Variants in BTBD7 observed in about 807,000 individuals in gnomAD.
BTBD7 encodes BTB/POZ domain-containing protein 7.
Under a neutral mutation model 99.9 loss-of-function variants are expected in BTBD7, and 38 were observed. The observed-to-expected ratio is 0.38, with a 90% CI of 0.29 to 0.50. The LOEUF (loss-of-function observed/expected upper bound fraction) is 0.50. Ranked by LOEUF, BTBD7 falls within the 20% of genes least tolerant of loss-of-function variation. BTBD7 has a pLI of 0.93. For missense variants in BTBD7, 1,170 were observed against 1,394.6 expected (o/e 0.84, Z 2.57); for synonymous variants, 520 against 511.4 (o/e 1.02, Z -0.23).
At position 93,257,053 on chromosome 14, in the gene BTBD7, A is replaced by G. The variant is rs2052438141; in HGVS notation, c.1608+142T>C. On this transcript the variant is annotated intron_variant, in intron 6 of 10. Transcript: ENST00000334746. ...GAAGACACAGGAGATACAACATCGT[A>G]CACAATAGACATCTGTCTCTGTCCT... 6 of 798,124 alleles carry G rather than the reference A, an allele frequency of 7.5e-6. No individual in the cohort carries two copies. The East Asian group carries it at 1.6e-4, about 21-fold the overall frequency. 49.4% of individuals were successfully genotyped at this position (798,124 alleles called of 1,614,324 possible). A position where few individuals can be genotyped will look rare whatever the true frequency, so the allele number is the denominator to read the frequency against.
Position 93,296,055 on chromosome 14 carries a change from C to T in BTBD7, c.-4G>A. ...AATTAGATGCATTAGCACCCATTTT[C>T]TTCAGTCACTCAGGCATTCCGTCTG... On this transcript the variant is annotated 5_prime_UTR_variant, in exon 2 of 11. Transcript: ENST00000334746. The T allele has an allele frequency of 1.2e-6, 2 of 1,613,398 alleles. No homozygotes were observed. Among genetic ancestry groups the T allele is most frequent in the Non-Finnish European group, 1.7e-6 (2 of 1,179,668 alleles).
At chr14:93,269,172 T>G (rs2052574612) in intron 3 of BTBD7, among the ~76,000 whole-genome samples, 1 of 152,028 alleles carries the variant, frequency 6.6e-6, no homozygotes, top group Non-Finnish European at 1.5e-5. Flanking sequence ...AACTCAAAAA[T>G]GTAAAAGGAA....
At chr14:93,265,212 T>TA (rs1462359866) in intron 3 of BTBD7, among the ~76,000 whole-genome samples, 1 of 152,160 alleles carries the variant, frequency 6.6e-6, no homozygotes, top group Admixed American at 6.5e-5. Context: ...ATGAAAGGTG[T>TA]AAAGATAAAG....
At chr14:93,248,324 G>A (rs1325462626) in intron 9 of BTBD7, 152 bp downstream of exon 9, 2 of 741,282 alleles carry the variant, frequency 2.7e-6, no homozygotes, top group Non-Finnish European at 4.3e-6. Context: ...CTCTCACCAG[G>A]AGGGACTTGC....
intron 3 of BTBD7, among the ~76,000 whole-genome samples, chr14:93,269,569 T>C (rs1000456470): frequency 6.6e-6 from 1 of 152,204 alleles, no homozygotes; most frequent in Non-Finnish European, 1.5e-5. Context: ...GAATGTCATG[T>C]GTTCTCTCTC....
intron 3 of BTBD7, 64 bp from the exon 4 acceptor site, chr14:93,264,057 G>A: frequency 1.4e-6 from 2 of 1,419,288 alleles, no homozygotes; most frequent in Non-Finnish European, 2.0e-6. Context: ...ACATTAGTGT[G>A]CTAGGCACGA....
rs201926967 is a variant in BTBD7, at chr14:93,242,784, C to A, written c.2888G>T (p.Arg963Leu). Residue 963 changes from arginine (R) to leucine (L), a missense_variant, in exon 11 of 11, where the codon CGC becomes CTC. Physicochemically the swap from Arg to Leu is moderately radical, Grantham distance 102. Coordinates refer to ENST00000334746, the MANE Select transcript of BTBD7 (RefSeq NM_001002860.4). ...TCCACCTTGCGAAGGGGAAGGGGTG[C>A]GTCTGCTGAGAGCAGGAGTAGAAGG... Reference protein sequence around the residue: ...CRPSTPALSRRTPSPSQGGYF... With the variant: ...CRPSTPALSRLTPSPSQGGYF... 1.9e-6 allele frequency: 3 copies of A among 1,614,036 alleles called. No homozygotes were observed. Among genetic ancestry groups the A allele is most frequent in the Non-Finnish European group, 2.5e-6 (3 of 1,180,046 alleles).
At chr14:93,257,877 A>C (rs2052447157) in intron 5 of BTBD7, among the ~76,000 whole-genome samples, 1 of 151,088 alleles carries the variant, frequency 6.6e-6, no homozygotes, top group African/African-American at 2.5e-5. Flanking sequence ...TTTTATGAAA[A>C]TCTCCCAAAT....
intron 3 of BTBD7, among the ~76,000 whole-genome samples, chr14:93,269,598 G>A (rs1227192193): frequency 1.3e-5 from 2 of 152,164 alleles, no homozygotes; most frequent in African/African-American, 2.4e-5. Flanking sequence ...GCAAACTATC[G>A]CGAGTCATGC....
intron 1 of BTBD7, among the ~76,000 whole-genome samples, chr14:93,304,239 T>C (rs2053042888): frequency 6.6e-6 from 1 of 152,236 alleles, no homozygotes; most frequent in Non-Finnish European, 1.5e-5. Flanking sequence ...AAGGAAATGA[T>C]TGTTCTAATC....
Position 93,294,873 on chromosome 14 carries a change from G to A in BTBD7, c.147C>T (p.Gly49=), listed in dbSNP as rs2052906115. The A allele has an allele frequency of 6.2e-7, 1 of 1,613,510 alleles. No individual in the cohort carries two copies. The highest frequency in any genetic ancestry group is 1.7e-5 in the Admixed American group (1 of 59,882). ...TTTTTTTGTCTTGTGGTTTCTCATGGCCATGGTCAAGGCTATACAACTTTG... is the reference window on the plus strand; with the variant it reads ...TTTTTTTGTCTTGTGGTTTCTCATGACCATGGTCAAGGCTATACAACTTTG... ...CESKLYSLDH[G]HEKPQDKKKR... The change falls in exon 3 of 11, where the codon GGC becomes GGT. Residue 49 remains glycine (G), a synonymous_variant. Transcript: ENST00000334746.
chr14:93,293,855 T>C lies in BTBD7; in HGVS notation c.1162+3A>G. 6.3e-7 allele frequency: 1 copy of C among 1,599,146 alleles called. No homozygotes were observed. Among genetic ancestry groups the C allele is most frequent in the Non-Finnish European group, 8.5e-7 (1 of 1,175,058 alleles). On this transcript the variant is annotated splice_donor_region_variant and intron_variant, in intron 3 of 10. Coordinates refer to ENST00000334746, the MANE Select transcript of BTBD7 (RefSeq NM_001002860.4). ...ATCAGAATTAAAAACCAGAACTTCA[T>C]ACCTTGTGCAAGCATGTTAAATTCC... is the stretch of plus-strand genomic sequence containing the variant.
At chr14:93,297,225 ATC>A (rs1420488406) in intron 1 of BTBD7, among the ~76,000 whole-genome samples, 16 of 152,222 alleles carry the variant, frequency 1.1e-4, no homozygotes, top group African/African-American at 3.9e-4. Flanking sequence ...ATTTATTTTC[ATC>A]TCTGTTAGTG....
intron 1 of BTBD7, among the ~76,000 whole-genome samples, chr14:93,301,239 T>C (rs1027052116): frequency 2.0e-5 from 3 of 151,908 alleles, no homozygotes; most frequent in African/African-American, 7.2e-5. Context: ...TTGCCCAGAC[T>C]GGAGTGCAGT....
chr14:93,261,614 T>C lies in BTBD7; in HGVS notation c.1435A>G (p.Ile479Val). The C allele has an allele frequency of 1.2e-6, 2 of 1,611,856 alleles. No homozygotes were observed. The highest frequency in any genetic ancestry group is 2.2e-5 in the East Asian group (1 of 44,800). ...KWGEHQLMKR[I>V]ADREPNLLSG... ...TTTCGGAGCTTACCTCTATCTGCTA[T>C]TCTTTTCATCAACTGATGCTCTCCC... is the stretch of plus-strand genomic sequence containing the variant. The change falls in exon 5 of 11, where the codon ATA becomes GTA. Residue 479 changes from isoleucine (I) to valine (V), a missense_variant. Around this residue, in one of 4 missense-constraint regions of BTBD7, gnomAD observed 309 missense variants for 342.0 expected, o/e 0.90. Coordinates refer to ENST00000334746, the MANE Select transcript of BTBD7 (RefSeq NM_001002860.4).
chr14:93,268,839 A>G (rs991173021), intron 3 of BTBD7, among the ~76,000 whole-genome samples: 2 of 149,922 alleles, frequency 1.3e-5, no homozygotes, highest in Middle Eastern at 3.5e-3. Context: ...GCTCACTACA[A>G]CCACCACCTC....
In BTBD7 at chr14:93,238,589, T is replaced by C. The variant is rs1253434737; in HGVS notation, c.*3684A>G. The C allele has an allele frequency of 6.6e-6, 1 of 152,410 alleles. No homozygotes were observed. The highest frequency in any genetic ancestry group is 2.4e-5 in the African/African-American group (1 of 41,454). The allele number at this position is 152,410 out of a possible 1,614,324, so 9.4% of individuals were successfully genotyped here. A position where few individuals can be genotyped will look rare whatever the true frequency, so the allele number is the denominator to read the frequency against. On this transcript the variant is annotated 3_prime_UTR_variant, in exon 11 of 11. Coordinates refer to ENST00000334746, the MANE Select transcript of BTBD7 (RefSeq NM_001002860.4). ...CCCTTTGAATTCAGTCCTAAAAATATGAATGCCTTATAATTAATTTCAAAA... is the reference window on the plus strand; with the variant it reads ...CCCTTTGAATTCAGTCCTAAAAATACGAATGCCTTATAATTAATTTCAAAA...
rs1003698398 is a variant in BTBD7 at position 93,240,597 on chromosome 14, G to A, written c.*1676C>T. The A allele has an allele frequency of 6.6e-6, 1 of 152,610 alleles. No homozygotes were observed. The highest frequency in any genetic ancestry group is 1.5e-5 in the Non-Finnish European group (1 of 68,032). 9.5% of individuals were successfully genotyped at this position (152,610 alleles called of 1,614,324 possible). ...GGATCCCAAATATCCTGCAGAGGAAGGAATGCTTAGAAAGCCTCTTTTCTT... is the reference window on the plus strand; with the variant it reads ...GGATCCCAAATATCCTGCAGAGGAAAGAATGCTTAGAAAGCCTCTTTTCTT... On this transcript the variant is annotated 3_prime_UTR_variant, in exon 11 of 11. Transcript: ENST00000334746.
chr14:93,242,746 CG>C lies in BTBD7; in HGVS notation c.2925del (p.Asp976IlefsTer13). On this transcript the variant is annotated frameshift_variant, in exon 11 of 11. Coordinates refer to ENST00000334746, the MANE Select transcript of BTBD7 (RefSeq NM_001002860.4). LOFTEE classifies it high-confidence loss of function. Reference sequence around the variant, plus strand: ...GATGCCTTATTGTGGCTGTACAGATCGGGACCAAAATATCCACCTTGCGAAG... The same window carrying C: ...GATGCCTTATTGTGGCTGTACAGATCGGACCAAAATATCCACCTTGCGAAG... ...PSPSQGGYFGPDLYSHNKASP... is the reference protein window; with the variant it reads ...PSPSQGGYFGXDLYSHNKASP... The C allele has an allele frequency of 6.2e-7, 1 of 1,614,138 alleles. No homozygotes were observed. Among genetic ancestry groups the C allele is most frequent in the Non-Finnish European group, 8.5e-7 (1 of 1,180,028 alleles).
Sources: allele counts gnomAD v4.1 joint callset (sites outside exome capture counted in the v4.1 genomes callset), GRCh38; gene constraint gnomAD v4.1.1; regional missense constraint gnomAD v4.1.1; transcripts MANE v1.5; gene names NCBI Gene and HGNC (gene_info 2026-07-23, HGNC 2026-07-21).